Variants in FAS observed in about 807,000 individuals in gnomAD.
FAS encodes the protein tumor necrosis factor receptor superfamily member 6.
Under a neutral mutation model 33.2 loss-of-function variants are expected in FAS, and 5 were observed. The ratio of observed to expected loss-of-function variants is 0.15; its 90% CI spans 0.08 to 0.32. The LOEUF is 0.32. Ranked by LOEUF, FAS falls within the 10% of genes least tolerant of loss-of-function variation. FAS has a pLI of 1.00. For missense variants in FAS, 339 were observed against 386.0 expected (o/e 0.88, Z 1.02); for synonymous variants, 131 against 130.7 (o/e 1.00, Z -0.01).
chr10:88,989,831 T>C (rs542122403), upstream of FAS, among the ~76,000 whole-genome samples: 2 of 152,284 alleles, frequency 1.3e-5, no homozygotes, highest in African/African-American at 4.8e-5. Flanking sequence ...CTGAAACCTT[T>C]AGTGTGTCCA....
At chr10:89,005,747 G>T (rs1848190810) in intron 2 of FAS, among the ~76,000 whole-genome samples, 1 of 151,988 alleles carries the variant, frequency 6.6e-6, no homozygotes, top group African/African-American at 2.4e-5. Flanking sequence ...AAGCAATTCT[G>T]CAGCCTCAGC....
rs1388614535 is a variant in FAS at position 89,000,362 on chromosome 10, AAAT to A, written c.31-2661_31-2659del. Among the ~76,000 whole-genome samples the A allele has an allele frequency of 1.9e-4, 29 of 152,362 alleles. 1 individual carries two copies. The highest frequency in any genetic ancestry group is 3.5e-4 in the Non-Finnish European group (24 of 68,026). ...TACCCAGATTTTCTATTTTACTAAA[AAAT>A]AATAACACAGTTCGTTATGATAAAT... On this transcript the variant is annotated intron_variant, in intron 1 of 8. Transcript: ENST00000652046.
intron 2 of FAS, among the ~76,000 whole-genome samples, chr10:88,975,366 G>A (rs1487798104): frequency 6.6e-6 from 1 of 152,214 alleles, no homozygotes; most frequent in Non-Finnish European, 1.5e-5. Flanking sequence ...AATTAGTTGA[G>A]AAGGACAATA....
intron 3 of FAS, among the ~76,000 whole-genome samples, chr10:89,008,114 A>G (rs1216993740): frequency 1.3e-5 from 2 of 151,884 alleles, no homozygotes; most frequent in African/African-American, 4.8e-5. Flanking sequence ...CTCAGAAATT[A>G]TTTTTTTTCT....
intron 1 of FAS, among the ~76,000 whole-genome samples, chr10:88,999,763 T>C (rs544720124): frequency 6.6e-6 from 1 of 152,326 alleles, no homozygotes; most frequent in South Asian, 2.1e-4. Context: ...AATTATGAGG[T>C]ACTTTTTGTT....
chr10:88,986,406 C>T (rs1006837195), upstream of FAS, among the ~76,000 whole-genome samples: 6 of 152,184 alleles, frequency 3.9e-5, no homozygotes, highest in Admixed American at 3.3e-4. Flanking sequence ...CCCTACTAAC[C>T]CAATTGCTGT....
intron 1 of FAS, among the ~76,000 whole-genome samples, chr10:88,994,145 T>G (rs1847438476): frequency 6.6e-6 from 1 of 152,228 alleles, no homozygotes; most frequent in South Asian, 2.1e-4. Flanking sequence ...CTGAATACTC[T>G]TATACTGACA....
At chr10:88,979,610 GA>G (rs377254526) in intron 2 of FAS, among the ~76,000 whole-genome samples, 2,012 of 150,946 alleles carry the variant, frequency 0.013, 26 homozygotes, top group Non-Finnish European at 0.021. Flanking sequence ...TGTTAATGAT[GA>G]CTTTTTTTTT....
intron 8 of FAS, 134 bp from the exon 9 acceptor site, chr10:89,013,985 C>G (rs777242961): frequency 2.0e-5 from 17 of 869,344 alleles, no homozygotes; most frequent in Non-Finnish European, 3.0e-5. Flanking sequence ...TCTGTATTCC[C>G]CTAGTCAGCT....
At position 88,991,062 on chromosome 10, in the gene FAS, C is replaced by T. The variant is rs566636808; in HGVS notation, c.30+156C>T. The T allele has an allele frequency of 1.4e-5, 13 of 917,898 alleles. No individual in the cohort carries two copies. In the South Asian group the frequency reaches 1.8e-4, roughly 12 times the overall value. 56.9% of individuals were successfully genotyped at this position (917,898 alleles called of 1,614,324 possible). A position where few individuals can be genotyped will look rare whatever the true frequency, so the allele number is the denominator to read the frequency against. On this transcript the variant is annotated intron_variant, in intron 1 of 8. Transcript: ENST00000652046. ...TGCTGCGGGAGGCGTTGGAGACTGG[C>T]TCCCGGGGGCTGTTAGGACCTTCCC...
At chr10:89,002,010 G>T (rs945865649) in intron 1 of FAS, among the ~76,000 whole-genome samples, 60 of 152,160 alleles carry the variant, frequency 3.9e-4, no homozygotes, top group African/African-American at 1.4e-3. Flanking sequence ...CAAGAGCCCT[G>T]GCTTTAGGGG....
At chr10:88,988,440 T>TAATCTTAACTCTTCCTG (rs1846981138), upstream of FAS, among the ~76,000 whole-genome samples, 1 of 112,104 alleles carries the variant, frequency 8.9e-6, no homozygotes, top group Non-Finnish European at 2.0e-5. Context: ...TTGTTTTGTT[T>TAATCTTAACTCTTCCTG]TTTATCTTAA....
chr10:88,989,348 T>C (rs531024866), upstream of FAS: 1 of 319,448 alleles, frequency 3.1e-6, no homozygotes, highest in East Asian at 9.3e-5. Context: ...TTTTTACATT[T>C]TTTTATTTAA....
intron 1 of FAS, among the ~76,000 whole-genome samples, chr10:88,996,078 C>T (rs1483203682): frequency 6.6e-6 from 1 of 152,094 alleles, no homozygotes; most frequent in Non-Finnish European, 1.5e-5. Context: ...CTATTCACCT[C>T]TGTGTTTTGT....
At chr10:88,967,593 C>T (rs1279839660) in intron 1 of FAS, among the ~76,000 whole-genome samples, 2 of 152,178 alleles carry the variant, frequency 1.3e-5, no homozygotes, top group Non-Finnish European at 2.9e-5. Context: ...CGCAGCTTGG[C>T]AACCTTCAAA....
rs1848754789 is a variant in FAS, at chr10:89,015,413, T to C, written c.*963T>C. 2 of 531,076 alleles carry C rather than the reference T, an allele frequency of 3.8e-6. No homozygotes were observed. Among genetic ancestry groups the C allele is most frequent in the Non-Finnish European group, 7.3e-6 (2 of 274,168 alleles). The allele number at this position is 531,076 out of a possible 1,614,324, so 32.9% of individuals were successfully genotyped here. A position where few individuals can be genotyped will look rare whatever the true frequency, so the allele number is the denominator to read the frequency against. On this transcript the variant is annotated 3_prime_UTR_variant, in exon 9 of 9. Transcript: ENST00000652046. ...TCAAAGATGATAAAATAGATTCTTA[T>C]TTTTCCCCCACCCCCGAAAATGTTC... is the stretch of plus-strand genomic sequence containing the variant.
rs1244096614 is a variant in FAS at position 89,014,376 on chromosome 10, A to G, written c.934A>G (p.Thr312Ala). The change falls in exon 9 of 9, where the codon ACT becomes GCT. Residue 312 changes from threonine (T) to alanine (A), a missense_variant. Coordinates refer to ENST00000652046, the MANE Select transcript of FAS (RefSeq NM_000043.6). The part of the protein sequence containing the change: ...NLCTLAEKIQ[T>A]IILKDITSDS... ...TTGTACTCTTGCAGAGAAAATTCAG[A>G]CTATCATCCTCAAGGACATTACTAG... 10 of 1,613,528 alleles carry G rather than the reference A, an allele frequency of 6.2e-6. No homozygotes were observed. Among genetic ancestry groups the G allele is most frequent in the Admixed American group, 3.3e-5 (2 of 60,000 alleles).
chr10:89,011,089 C>A (rs1848506888), intron 6 of FAS: 1 of 522,586 alleles, frequency 1.9e-6, no homozygotes. Context: ...GGCCAAAAAT[C>A]AGAAGCAATT....
chr10:88,965,299 A>T lies in FAS; in HGVS notation n.95-7883A>T, dbSNP rs559525359. ...CCCTGCCCTTCTACATATAGTAGAA[A>T]CTCAGGAATTTGGTTAAGCAACTTT... On this transcript the variant is annotated intron_variant and non_coding_transcript_variant, in intron 1 of 3. Coordinates refer to the FAS transcript ENST00000688239. Among the ~76,000 whole-genome samples, 4 of 152,296 alleles carry T rather than the reference A, an allele frequency of 2.6e-5. No homozygotes were observed. In the East Asian group the frequency reaches 7.7e-4, roughly 29 times the overall value.
Sources: allele counts gnomAD v4.1 joint callset (sites outside exome capture counted in the v4.1 genomes callset), GRCh38; gene constraint gnomAD v4.1.1; transcripts MANE v1.5; gene names NCBI Gene and HGNC (gene_info 2026-07-23, HGNC 2026-07-21).